Variants in MYO1H observed in about 807,000 individuals in gnomAD.
MYO1H encodes the protein myosin IH, also known as unconventional myosin-Ih.
In MYO1H, 118 loss-of-function variants were observed where a neutral mutation model predicts 149.3. That is an observed-to-expected ratio of 0.79 (90% CI 0.68 to 0.92). The LOEUF (loss-of-function observed/expected upper bound fraction) is 0.92. Ranked by LOEUF, MYO1H falls within the 40% of genes least tolerant of loss-of-function variation. The probability of loss-of-function intolerance (pLI) is 0.00; values close to 1 mark genes in which losing one functional copy is unlikely to be tolerated. For missense variants in MYO1H, 1,212 were observed against 1,280.7 expected (o/e 0.95, Z 0.82); for synonymous variants, 447 against 465.2 (o/e 0.96, Z 0.50).
At chr12:109,424,817 A>G (rs776229965) in exon 17 of MYO1H, 13 of 1,613,688 alleles carry the variant, frequency 8.1e-6, no homozygotes, top group Non-Finnish European at 1.1e-5. Context: ...AAACCGGAGG[A>G]GGCCCCCAAC....
chr12:109,424,798 C>T (rs4430577), exon 17 of MYO1H: 17 of 1,613,772 alleles, frequency 1.1e-5, no homozygotes, highest in South Asian at 2.2e-5. Flanking sequence ...TCCTGCTGGC[C>T]GAGTTAGAAA....
rs555286610 is a variant in MYO1H, at chr12:109,393,321, A to G, written c.175-10A>G. ...GAATTCCTCACTTGTGCTTTGGTCC[A>G]TTTCTCTAGACATATATTGGCACCC... On this transcript the variant is annotated splice_polypyrimidine_tract_variant and intron_variant, in intron 2 of 31. Transcript: ENST00000310903. 5 of 1,543,044 alleles carry G rather than the reference A, an allele frequency of 3.2e-6. No individual in the cohort carries two copies. The East Asian group carries it at 9.5e-5, about 29-fold the overall frequency.
chr12:109,363,909 A>G (rs1868808709), intron 1 of MYO1H, among the ~76,000 whole-genome samples: 1 of 151,166 alleles, frequency 6.6e-6, no homozygotes, highest in South Asian at 2.1e-4. Context: ...AGACATCAGA[A>G]GTGGGTCAGG....
the MYO1H span, among the ~76,000 whole-genome samples, chr12:109,327,127 TC>T: frequency 0.013 from 1,655 of 130,214 alleles, 147 homozygotes; most frequent in East Asian, 0.04. Context: ...TTTTTCTTTT[TC>T]TTTTTCTTTT....
chr12:109,318,983 T>TG, the MYO1H span, among the ~76,000 whole-genome samples: 12 of 144,904 alleles, frequency 8.3e-5, no homozygotes, highest in East Asian at 1.4e-3. Flanking sequence ...TTTTTTTTTT[T>TG]TTTTTTTTTT....
At chr12:109,421,233 T>G (rs75887235) in intron 16 of MYO1H, among the ~76,000 whole-genome samples, 1 of 146,384 alleles carries the variant, frequency 6.8e-6, no homozygotes, top group Non-Finnish European at 1.5e-5. Context: ...TGATGCCCCC[T>G]GGGCACCAGC....
At position 109,383,628 on chromosome 12, in the gene MYO1H, A is replaced by G. The variant is rs542395128; in HGVS notation, c.13-5055A>G. ...GAAATTCTCAGTCATTGCAGTATCA[A>G]AGAAGTTCTAATAACACTGGAAGGG... On this transcript the variant is annotated intron_variant, in intron 1 of 31. Transcript: ENST00000310903. 7.2e-5 allele frequency among the ~76,000 whole-genome samples: 11 copies of G among 152,330 alleles called. 1 individual carries two copies. The South Asian group carries it at 1.0e-3, about 14-fold the overall frequency.
chr12:109,397,799 A>G, exon 5 of MYO1H: 1 of 1,608,936 alleles, frequency 6.2e-7, no homozygotes, highest in Non-Finnish European at 8.5e-7. Flanking sequence ...ATGGATATAC[A>G]ATTTGATTTT....
exon 24 of MYO1H, chr12:109,439,684 A>T: frequency 6.2e-7 from 1 of 1,613,832 alleles, no homozygotes; most frequent in Admixed American, 1.7e-5. Flanking sequence ...GACAACGAGG[A>T]ATTTATCGTG....
At chr12:109,355,803 T>A (rs575553317) in intron 1 of MYO1H, among the ~76,000 whole-genome samples, 40 of 151,558 alleles carry the variant, frequency 2.6e-4, no homozygotes, top group African/African-American at 7.3e-4. Context: ...CTTGGCTCAC[T>A]GCAACCTCTG....
the MYO1H span, among the ~76,000 whole-genome samples, chr12:109,326,604 C>T: frequency 6.6e-6 from 1 of 151,600 alleles, no homozygotes; most frequent in Admixed American, 6.6e-5. Context: ...TCACTGCAAC[C>T]TCCGCCTCCT....
exon 32 of MYO1H, chr12:109,448,308 T>A (rs1057178928): frequency 6.6e-6 from 1 of 152,216 alleles, no homozygotes; most frequent in African/African-American, 2.4e-5. Flanking sequence ...TGAGACTAAG[T>A]AAAGGAAATT....
chr12:109,418,541 G>GGTTTT lies in MYO1H; in HGVS notation c.1598-2419_1598-2415dup, dbSNP rs564993593. On this transcript the variant is annotated intron_variant, in intron 15 of 31. Transcript: ENST00000310903. Reference sequence around the variant, plus strand: ...ATTTTTGTATTTTTAGTAGAGACAGGGTTTTGTTTTGTTTTGTTTTGTTTT... The same window carrying GGTTTT: ...ATTTTTGTATTTTTAGTAGAGACAGGGTTTTGTTTTGTTTTGTTTTGTTTTGTTTT... Among the ~76,000 whole-genome samples the GGTTTT allele has an allele frequency of 1.2e-3, 179 of 151,376 alleles. 2 individuals are homozygous for GGTTTT. Among genetic ancestry groups the GGTTTT allele is most frequent in the African/African-American group, 3.7e-3 (153 of 41,294 alleles).
chr12:109,445,197 T>C (rs1384298881), intron 30 of MYO1H, among the ~76,000 whole-genome samples: 1 of 152,194 alleles, frequency 6.6e-6, no homozygotes, highest in East Asian at 1.9e-4. Flanking sequence ...GTGTTGTCTT[T>C]GTGTTGCTGT....
At chr12:109,339,396 C>T in the MYO1H span, among the ~76,000 whole-genome samples, 1 of 152,126 alleles carries the variant, frequency 6.6e-6, no homozygotes, top group East Asian at 1.9e-4. Context: ...GTTAACATTT[C>T]CACTTTTAAG....
chr12:109,444,535 T>C lies in MYO1H; in HGVS notation c.2993+6T>C. 6.2e-7 allele frequency: 1 copy of C among 1,607,766 alleles called. No homozygotes were observed. Among genetic ancestry groups the C allele is most frequent in the Non-Finnish European group, 8.5e-7 (1 of 1,174,376 alleles). ...GTCAATGTTGTTCAAGGAAGGTAGG[T>C]GGCTTCATCTTCAGCTCAGGAAGTA... On this transcript the variant is annotated splice_donor_region_variant and intron_variant, in intron 30 of 31. Transcript: ENST00000310903.
chr12:109,392,701 G>A (rs539158015), intron 2 of MYO1H, among the ~76,000 whole-genome samples: 3 of 151,818 alleles, frequency 2.0e-5, no homozygotes, highest in Non-Finnish European at 2.9e-5. Flanking sequence ...GGGCAGCAAA[G>A]TGAGACTCTG....
At chr12:109,427,881 CAAAAAAAAAAAAAA>C (rs71079561) in intron 19 of MYO1H, among the ~76,000 whole-genome samples, 10 of 16,086 alleles carry the variant, frequency 6.2e-4, no homozygotes, top group Admixed American at 1.2e-3. Flanking sequence ...CCAATCTCTA[CAAAAAAAAAAAAAA>C]AAAAAAAAAA....
intron 16 of MYO1H, among the ~76,000 whole-genome samples, chr12:109,423,500 T>C (rs1261450123): frequency 6.6e-6 from 1 of 152,224 alleles, no homozygotes; most frequent in African/African-American, 2.4e-5. Flanking sequence ...TCAATAGTGT[T>C]GAGTAGATTT....
Sources: allele counts gnomAD v4.1 joint callset (sites outside exome capture counted in the v4.1 genomes callset), GRCh38; gene constraint gnomAD v4.1.1; transcripts MANE v1.5; gene names NCBI Gene and HGNC (gene_info 2026-07-23, HGNC 2026-07-21).